The following GATA4 variants were observed in gnomAD, a reference collection of about 807,000 sequenced individuals.
GATA4 encodes transcription factor GATA-4.
GATA4 carries 7 observed loss-of-function variants against 37.9 expected under a neutral mutation model. That is an observed-to-expected ratio of 0.18 (90% CI 0.11 to 0.35). The LOEUF (loss-of-function observed/expected upper bound fraction) is 0.35, where lower values mean the gene tolerates loss of function less well. Among genes scored for constraint, GATA4 ranks in the 10% least tolerant of loss-of-function variants. The pLI is 1.00. For missense variants in GATA4, 647 were observed against 653.0 expected (o/e 0.99, Z 0.10); for synonymous variants, 372 against 292.6 (o/e 1.27, Z -2.77).
intron 1 of GATA4, among the ~76,000 whole-genome samples, chr8:11,684,070 T>C (rs1799063073): frequency 6.6e-6 from 1 of 152,234 alleles, no homozygotes; most frequent in African/African-American, 2.4e-5. Flanking sequence ...CAGCCATAAC[T>C]GGCTGGCCAC....
intron 2 of GATA4, among the ~76,000 whole-genome samples, chr8:11,725,888 C>T (rs1044844099): frequency 2.6e-5 from 4 of 152,230 alleles, no homozygotes; most frequent in Admixed American, 6.5e-5. Context: ...CTGGCCTCTG[C>T]ATCTCTGTGT....
At chr8:11,743,212 G>A (rs970371901) in intron 2 of GATA4, among the ~76,000 whole-genome samples, 2 of 152,248 alleles carry the variant, frequency 1.3e-5, no homozygotes, top group Non-Finnish European at 2.9e-5. Context: ...TTTTTGAGTT[G>A]TGCATCCCCA....
chr8:11,756,857 C>T (rs1802593842), intron 5 of GATA4, 78 bp from the exon 6 acceptor site: 3 of 1,594,442 alleles, frequency 1.9e-6, no homozygotes, highest in African/African-American at 1.3e-5. Context: ...TTGCACCCAT[C>T]CCGGCTGTCT....
rs1296081004 is a variant in GATA4, at chr8:11,708,513, G to A, written c.201G>A (p.Ser67=). 2 of 1,472,832 alleles carry A rather than the reference G, an allele frequency of 1.4e-6. No homozygotes were observed. The highest frequency in any genetic ancestry group is 2.6e-5 in the South Asian group (2 of 76,412). 91.2% of individuals were successfully genotyped at this position (1,472,832 alleles called of 1,614,324 possible). A position where few individuals can be genotyped will look rare whatever the true frequency, so the allele number is the denominator to read the frequency against. ...GGAGSASGGA[S]GGSSGGAASG... ...CGGGCTCTGCGTCCGGAGGCGCCTC[G>A]GGCGGCAGCTCCGGTGGGGCCGCGT... The change falls in exon 2 of 7, where the codon TCG becomes TCA. Residue 67 remains serine, a synonymous_variant. Coordinates refer to ENST00000532059, the MANE Select transcript of GATA4 (RefSeq NM_001308093.3). The surrounding 1 kb of genome is among the most constrained non-coding windows in gnomAD (Gnocchi z 6.7).
intron 2 of GATA4, among the ~76,000 whole-genome samples, chr8:11,714,271 C>G (rs566844229): frequency 7.9e-5 from 12 of 152,246 alleles, no homozygotes; most frequent in Non-Finnish European, 1.3e-4. Context: ...AATACATGTA[C>G]AGTATATCAC....
chr8:11,698,645 G>T (rs1336951607), intron 1 of GATA4, among the ~76,000 whole-genome samples: 1 of 152,124 alleles, frequency 6.6e-6, no homozygotes, highest in African/African-American at 2.4e-5. Flanking sequence ...CCTCAGAAAG[G>T]GTGCCCCTGG....
At chr8:11,692,724 G>C (rs748859809) in intron 1 of GATA4, 1 of 984,784 alleles carries the variant, frequency 1.0e-6, no homozygotes, top group Non-Finnish European at 1.2e-6. Flanking sequence ...GGGAGGGAGA[G>C]CAGGCGCCGG....
At chr8:11,745,962 A>T (rs2130291877) in intron 2 of GATA4, among the ~76,000 whole-genome samples, 1 of 152,268 alleles carries the variant, frequency 6.6e-6, no homozygotes, top group South Asian at 2.1e-4. Flanking sequence ...TCCCCTTCTG[A>T]ATATGTTTAA....
chr8:11,686,741 T>A (rs975314673), intron 1 of GATA4, among the ~76,000 whole-genome samples: 1 of 152,180 alleles, frequency 6.6e-6, no homozygotes, highest in African/African-American at 2.4e-5. Context: ...AGCTCATGCC[T>A]CTAATCCCAG....
chr8:11,677,121 G>A (rs1420397772), intron 1 of GATA4: 1 of 152,622 alleles, frequency 6.6e-6, no homozygotes, highest in South Asian at 2.1e-4. Flanking sequence ...TGGGATGCTG[G>A]GGGAATGGAA....
intron 1 of GATA4, among the ~76,000 whole-genome samples, chr8:11,677,613 C>T (rs1241422884): frequency 6.6e-6 from 1 of 152,218 alleles, no homozygotes; most frequent in South Asian, 2.1e-4. Context: ...ATGTCAGACC[C>T]AGCCCACTTT....
In GATA4 at chr8:11,757,065, C is replaced by T; in HGVS notation, c.1131C>T (p.His377=). Residue 377 remains histidine, a synonymous_variant, in exon 6 of 7, where the codon CAC becomes CAT. Transcript: ENST00000532059. ...CTGGCCTGTCATCTCACTACGGGCA[C>T]AGCAGCTCCGTGTCCCAGGTACGCG... ...TEPGLSSHYG[H]SSSVSQTFSV... 1.2e-6 allele frequency: 2 copies of T among 1,614,156 alleles called. No individual in the cohort carries two copies. The highest frequency in any genetic ancestry group is 8.5e-7 in the Non-Finnish European group (1 of 1,180,010).
intron 2 of GATA4, among the ~76,000 whole-genome samples, chr8:11,736,677 C>G (rs1339854610): frequency 6.6e-6 from 1 of 152,198 alleles, no homozygotes; most frequent in African/African-American, 2.4e-5. Context: ...ATTCCTCTGT[C>G]TTTAATGTTG....
chr8:11,738,398 T>G (rs1801563059), intron 2 of GATA4, among the ~76,000 whole-genome samples: 2 of 152,176 alleles, frequency 1.3e-5, no homozygotes, highest in Non-Finnish European at 1.5e-5. Flanking sequence ...TCTTCTCCCC[T>G]TCTTTTTGTA....
intron 1 of GATA4, chr8:11,692,741 C>G: frequency 1.6e-5 from 16 of 983,418 alleles, no homozygotes; most frequent in Non-Finnish European, 1.9e-5. Flanking sequence ...CCGGGACCCA[C>G]GCGAGGGCGC....
chr8:11,727,769 A>G (rs1171039260), intron 2 of GATA4, among the ~76,000 whole-genome samples: 1 of 151,554 alleles, frequency 6.6e-6, no homozygotes, highest in African/African-American at 2.4e-5. Context: ...TGAGCCTGGG[A>G]GGTGGAGACT....
At chr8:11,732,582 A>T (rs963839360) in intron 2 of GATA4, among the ~76,000 whole-genome samples, 1 of 152,220 alleles carries the variant, frequency 6.6e-6, no homozygotes, top group Non-Finnish European at 1.5e-5. Context: ...ATAATTCAAG[A>T]TAGATGTGAT....
upstream of GATA4, among the ~76,000 whole-genome samples, chr8:11,702,163 A>G (rs1799698546): frequency 1.3e-5 from 2 of 152,314 alleles, no homozygotes; most frequent in South Asian, 4.1e-4. The surrounding 1 kb of genome is among the most constrained non-coding windows in gnomAD (Gnocchi z 4.4). Context: ...AAGCCGGCGT[A>G]GGAGCGCCGC....
At chr8:11,757,993 G>T (rs1802690148) in intron 6 of GATA4, among the ~76,000 whole-genome samples, 1 of 152,212 alleles carries the variant, frequency 6.6e-6, no homozygotes, top group Non-Finnish European at 1.5e-5. Context: ...GTGGTGATAG[G>T]ATGGTAGAAA....
Sources: allele counts gnomAD v4.1 joint callset (sites outside exome capture counted in the v4.1 genomes callset), GRCh38; gene constraint gnomAD v4.1.1; non-coding constraint Gnocchi (gnomAD v3.1); transcripts MANE v1.5; gene names NCBI Gene and HGNC (gene_info 2026-07-23, HGNC 2026-07-21).